Variants in ARSB observed in about 807,000 individuals in gnomAD.
ARSB encodes N-acetylgalactosamine-4-sulfatase.
A neutral mutation model predicts 50.9 loss-of-function variants in ARSB; 41 were observed. The ratio of observed to expected loss-of-function variants is 0.81; its 90% CI spans 0.63 to 1.04. ARSB has a LOEUF of 1.04. Ranked by LOEUF, ARSB falls within the 50% of genes least tolerant of loss-of-function variation. The pLI, the probability that ARSB is intolerant of heterozygous loss-of-function variation, is 0.00. For synonymous variants in ARSB, 269 were observed against 284.8 expected, an observed-to-expected ratio of 0.94 and a Z score of 0.56; for missense variants, 672 against 693.3, an observed-to-expected ratio of 0.97 and a Z score of 0.35.
intron 6 of ARSB, among the ~76,000 whole-genome samples, chr5:78,798,102 G>A (rs1242486671): frequency 6.6e-6 from 1 of 152,170 alleles, no homozygotes; most frequent in Non-Finnish European, 1.5e-5. Context: ...AATGCACTGA[G>A]CTTTTAACAT....
chr5:78,887,819 C>T (rs1219226077), intron 4 of ARSB, among the ~76,000 whole-genome samples: 1 of 152,202 alleles, frequency 6.6e-6, no homozygotes, highest in African/African-American at 2.4e-5. Context: ...TGGGCTCACA[C>T]ATGTAGGCCA....
chr5:78,972,516 T>TACACACACATAC (rs1752494024), intron 1 of ARSB, among the ~76,000 whole-genome samples: 1 of 145,598 alleles, frequency 6.9e-6, no homozygotes, highest in African/African-American at 2.6e-5. Flanking sequence ...CACGCATACG[T>TACACACACATAC]ACACACACAC....
chr5:78,843,191 T>C (rs192572991), intron 5 of ARSB, among the ~76,000 whole-genome samples: 182 of 152,300 alleles, frequency 1.2e-3, no homozygotes, highest in African/African-American at 4.2e-3. Context: ...TCTGGGGAGC[T>C]TGTTAAACTG....
At chr5:78,942,889 C>T (rs1481170529) in intron 4 of ARSB, among the ~76,000 whole-genome samples, 1 of 152,148 alleles carries the variant, frequency 6.6e-6, no homozygotes, top group Non-Finnish European at 1.5e-5. Context: ...GTGTTAATGT[C>T]TCCCATTATT....
rs183899494 is a variant in ARSB, at chr5:78,937,027, C to T, written c.898+18268G>A. Among the ~76,000 whole-genome samples the T allele has an allele frequency of 4.1e-4, 63 of 152,082 alleles. 1 individual carries two copies. In the East Asian group the frequency reaches 0.012, roughly 28 times the overall value. ...TTATTTCTACATAGAATCTACTTTTCATTTTGCTTCATCCTCCAGTGCAGC... is the reference window on the plus strand; with the variant it reads ...TTATTTCTACATAGAATCTACTTTTTATTTTGCTTCATCCTCCAGTGCAGC... On this transcript the variant is annotated intron_variant, in intron 4 of 7. Transcript: ENST00000264914.
chr5:78,944,987 C>G (rs531727641), intron 4 of ARSB, among the ~76,000 whole-genome samples: 5 of 152,262 alleles, frequency 3.3e-5, no homozygotes, highest in African/African-American at 1.2e-4. Flanking sequence ...GTGGGCGCCC[C>G]TCCCCCATCC....
intron 2 of ARSB, among the ~76,000 whole-genome samples, chr5:78,965,849 T>C (rs1194313206): frequency 6.6e-6 from 1 of 152,216 alleles, no homozygotes. Context: ...ACTCAATAAA[T>C]TCAAGATCTT....
chr5:78,852,148 C>T (rs1313427924), intron 5 of ARSB, among the ~76,000 whole-genome samples: 3 of 152,214 alleles, frequency 2.0e-5, no homozygotes, highest in Admixed American at 2.0e-4. Context: ...GCAGTTTCTT[C>T]CTAGCCTCGA....
chr5:78,804,435 A>T (rs568215862), intron 6 of ARSB, among the ~76,000 whole-genome samples: 1 of 152,274 alleles, frequency 6.6e-6, no homozygotes, highest in South Asian at 2.1e-4. Flanking sequence ...TAAGTTAGAG[A>T]GGATGGGAAG....
chr5:78,921,159 T>C (rs565097420), intron 4 of ARSB, among the ~76,000 whole-genome samples: 2 of 152,204 alleles, frequency 1.3e-5, no homozygotes, highest in East Asian at 3.9e-4. Context: ...AATCCCAGAG[T>C]TGTATCCTAG....
At chr5:78,868,861 G>A (rs1200298021) in intron 5 of ARSB, among the ~76,000 whole-genome samples, 2 of 150,858 alleles carry the variant, frequency 1.3e-5, no homozygotes, top group African/African-American at 5.0e-5. Flanking sequence ...AAAAGACACA[G>A]ACTGGCAAGT....
chr5:78,892,953 C>T (rs978323695), intron 4 of ARSB, among the ~76,000 whole-genome samples: 9 of 152,086 alleles, frequency 5.9e-5, no homozygotes, highest in African/African-American at 1.7e-4. Flanking sequence ...ACCAAATAAC[C>T]GATTGATACG....
chr5:78,777,578 C>T lies in ARSB; in HGVS notation c.*2819G>A, dbSNP rs756745196. The T allele has an allele frequency of 3.3e-5, 5 of 152,456 alleles. No homozygotes were observed. Among genetic ancestry groups the T allele is most frequent in the Non-Finnish European group, 7.4e-5 (5 of 67,996 alleles). 9.4% of individuals were successfully genotyped at this position (152,456 alleles called of 1,614,324 possible). On this transcript the variant is annotated 3_prime_UTR_variant, in exon 8 of 8. Coordinates refer to ENST00000264914, the MANE Select transcript of ARSB (RefSeq NM_000046.5). ...TGTAAAGGTAAAAAAATTTGCCGGG[C>T]ACAGTGGCTCACACCTGTAATCCCA...
intron 5 of ARSB, among the ~76,000 whole-genome samples, chr5:78,845,519 T>A (rs1412433837): frequency 1.3e-5 from 2 of 152,274 alleles, no homozygotes; most frequent in East Asian, 3.9e-4. Flanking sequence ...TACCCCTTTC[T>A]CTACAACCTC....
chr5:78,957,791 G>A (rs1160943099), intron 3 of ARSB, among the ~76,000 whole-genome samples: 1 of 151,990 alleles, frequency 6.6e-6, no homozygotes, highest in Non-Finnish European at 1.5e-5. Flanking sequence ...ATGTCTGGAG[G>A]GAAGAACGTG....
intron 5 of ARSB, among the ~76,000 whole-genome samples, chr5:78,841,904 A>G (rs1745232194): frequency 6.6e-6 from 1 of 152,216 alleles, no homozygotes; most frequent in African/African-American, 2.4e-5. Context: ...TACTTTTAAA[A>G]TGCACTCATC....
At chr5:78,793,610 T>C (rs3846677) in intron 6 of ARSB, among the ~76,000 whole-genome samples, 43,970 of 152,072 alleles carry the variant, frequency 0.29, 7,985 homozygotes, top group African/African-American at 0.52. Context: ...AGAAGTGTCT[T>C]GATCCTGTGG....
chr5:78,790,346 T>C (rs1749202934), intron 6 of ARSB, among the ~76,000 whole-genome samples: 1 of 152,138 alleles, frequency 6.6e-6, no homozygotes, highest in African/African-American at 2.4e-5. Flanking sequence ...AGTATTGTTG[T>C]GAGGTCTAAA....
intron 5 of ARSB, among the ~76,000 whole-genome samples, chr5:78,856,790 C>T (rs114149508): frequency 1.1e-3 from 163 of 152,320 alleles, no homozygotes; most frequent in African/African-American, 3.0e-3. Flanking sequence ...TATTCCAGGA[C>T]ATCATACAGT....
Sources: gnomAD v4.1 joint callset for allele counts (sites outside exome capture counted in the v4.1 genomes callset) on GRCh38, gnomAD v4.1.1 for gene constraint, MANE v1.5 for transcripts, NCBI Gene and HGNC (gene_info 2026-07-23, HGNC 2026-07-21) for gene names.